Variants in YTHDC1 observed in about 807,000 individuals in gnomAD.
The protein encoded by YTHDC1 is YTH domain-containing protein 1.
YTHDC1 carries 12 observed loss-of-function variants against 107.0 expected under a neutral mutation model. The ratio of observed to expected loss-of-function variants is 0.11; its 90% CI spans 0.07 to 0.18. The LOEUF (loss-of-function observed/expected upper bound fraction) is 0.18. Ranked by LOEUF, YTHDC1 falls within the 10% of genes least tolerant of loss-of-function variation. YTHDC1 has a pLI of 1.00. For synonymous variants in YTHDC1, 280 were observed against 289.5 expected (o/e 0.97, Z 0.33); for missense variants, 635 against 898.8 (o/e 0.71, Z 3.75).
chr4:68,313,888 T>A lies in YTHDC1; in HGVS notation c.*211A>T. ...ATTCTGCCCCAATAAAAGTGTCAAT[T>A]CAACTGTCAGCTGTGGATTTTTGGC... On this transcript the variant is annotated 3_prime_UTR_variant, in exon 17 of 17. Transcript: ENST00000344157. 1.7e-6 allele frequency: 1 copy of A among 599,232 alleles called. No individual in the cohort carries two copies. The highest frequency in any genetic ancestry group is 2.1e-5 in the South Asian group (1 of 47,896). 37.1% of individuals were successfully genotyped at this position (599,232 alleles called of 1,614,324 possible). A position where few individuals can be genotyped will look rare whatever the true frequency, so the allele number is the denominator to read the frequency against.
At chr4:68,329,602 G>A (rs1723358109) in intron 9 of YTHDC1, among the ~76,000 whole-genome samples, 1 of 152,206 alleles carries the variant, frequency 6.6e-6, no homozygotes, top group Non-Finnish European at 1.5e-5. Context: ...CTCAGTTTCA[G>A]AAGATCACAA....
At chr4:68,339,043 C>T (rs925362226) in intron 1 of YTHDC1, among the ~76,000 whole-genome samples, 5 of 152,120 alleles carry the variant, frequency 3.3e-5, no homozygotes, top group African/African-American at 7.2e-5. Flanking sequence ...TATACAAATA[C>T]GTATGTACAA....
At chr4:68,314,567 C>G (rs1310130726) in intron 16 of YTHDC1, among the ~76,000 whole-genome samples, 3 of 152,150 alleles carry the variant, frequency 2.0e-5, no homozygotes, top group African/African-American at 7.2e-5. Flanking sequence ...ACAGATTATT[C>G]AAATCTCTTT....
At chr4:68,349,171 T>C (rs1047426665) in intron 1 of YTHDC1, among the ~76,000 whole-genome samples, 1 of 152,224 alleles carries the variant, frequency 6.6e-6, no homozygotes, top group Admixed American at 6.5e-5. Context: ...CCAAGTACTA[T>C]GTTTTTCCAA....
chr4:68,326,911 T>C (rs1302964840), intron 9 of YTHDC1, among the ~76,000 whole-genome samples: 1 of 151,442 alleles, frequency 6.6e-6, no homozygotes, highest in Non-Finnish European at 1.5e-5. Context: ...TCTTATATGC[T>C]GGACAGTGGT....
intron 1 of YTHDC1, among the ~76,000 whole-genome samples, chr4:68,342,775 A>G (rs140667053): frequency 1.8e-4 from 27 of 152,304 alleles, no homozygotes; most frequent in African/African-American, 6.5e-4. Flanking sequence ...AAGAAGAAAC[A>G]TTTTAATACT....
At chr4:68,327,278 C>T (rs1348874070) in intron 9 of YTHDC1, among the ~76,000 whole-genome samples, 1 of 152,138 alleles carries the variant, frequency 6.6e-6, no homozygotes, top group East Asian at 1.9e-4. Context: ...TAAATGAAAA[C>T]AGAAATGGGT....
intron 9 of YTHDC1, among the ~76,000 whole-genome samples, chr4:68,327,791 A>T (rs1034641983): frequency 1.4e-4 from 22 of 152,332 alleles, no homozygotes; most frequent in African/African-American, 5.1e-4. Context: ...AAGAGAGTTC[A>T]AGTGACTTAT....
intron 1 of YTHDC1, among the ~76,000 whole-genome samples, chr4:68,347,116 G>A (rs1725535223): frequency 6.6e-6 from 1 of 152,160 alleles, no homozygotes; most frequent in Admixed American, 6.5e-5. Flanking sequence ...AGAACCCAGT[G>A]AACAAGACAG....
At chr4:68,340,987 C>T (rs1724744652) in intron 1 of YTHDC1, among the ~76,000 whole-genome samples, 1 of 152,026 alleles carries the variant, frequency 6.6e-6, no homozygotes, top group South Asian at 2.1e-4. Flanking sequence ...TAGAAAGCAC[C>T]TACAACCTTT....
chr4:68,323,724 C>T (rs1360127843), intron 10 of YTHDC1, among the ~76,000 whole-genome samples: 1 of 152,168 alleles, frequency 6.6e-6, no homozygotes, highest in Non-Finnish European at 1.5e-5. Flanking sequence ...TTTTCAGTTC[C>T]ATTTGTAGAC....
intron 9 of YTHDC1, among the ~76,000 whole-genome samples, chr4:68,327,655 C>T (rs1026756977): frequency 6.6e-6 from 1 of 152,062 alleles, no homozygotes; most frequent in Non-Finnish European, 1.5e-5. Flanking sequence ...ATTATTATAT[C>T]TGCAAAAGAA....
In YTHDC1 at chr4:68,349,828, G is replaced by A. The variant is rs1725906825; in HGVS notation, c.-75C>T. On this transcript the variant is annotated 5_prime_UTR_variant, in exon 1 of 17. Coordinates refer to ENST00000344157, the MANE Select transcript of YTHDC1 (RefSeq NM_001031732.4). ...GACTCGCGCGGGCGCCGCAGCCGCG[G>A]CAGAAGCACGGGCCCGTCCGTCAGT... The A allele has an allele frequency of 3.1e-6, 5 of 1,603,000 alleles. No homozygotes were observed. In the South Asian group the frequency reaches 4.4e-5, roughly 14 times the overall value.
intron 4 of YTHDC1, among the ~76,000 whole-genome samples, chr4:68,336,320 C>A (rs996457161): frequency 1.1e-4 from 17 of 151,756 alleles, no homozygotes; most frequent in Admixed American, 9.2e-4. Flanking sequence ...CTTGCTGTAC[C>A]CTCCCCCAAG....
At chr4:68,318,418 T>C in intron 15 of YTHDC1, 101 bp downstream of exon 15, 2 of 1,231,264 alleles carry the variant, frequency 1.6e-6, no homozygotes, top group Non-Finnish European at 1.1e-6. Flanking sequence ...AGTTTAAGTC[T>C]CTTTAATGAG....
chr4:68,310,701 T>TA lies in YTHDC1; in HGVS notation c.*3397dup, dbSNP rs1348594213. 1 of 152,152 alleles carries TA rather than the reference T, an allele frequency of 6.6e-6. No homozygotes were observed. The highest frequency in any genetic ancestry group is 2.4e-5 in the African/African-American group (1 of 41,444). The allele number at this position is 152,152 out of a possible 1,614,324, so 9.4% of individuals were successfully genotyped here. On this transcript the variant is annotated 3_prime_UTR_variant, in exon 17 of 17. Coordinates refer to ENST00000344157, the MANE Select transcript of YTHDC1 (RefSeq NM_001031732.4). ...GTTTCCTACCCAAATAACAAAATCTTAAACATGAAGCTAAAATTATCCATG... is the reference window on the plus strand; with the variant it reads ...GTTTCCTACCCAAATAACAAAATCTTAAAACATGAAGCTAAAATTATCCATG...
intron 9 of YTHDC1, among the ~76,000 whole-genome samples, chr4:68,329,314 T>C (rs1723327872): frequency 6.6e-6 from 1 of 152,194 alleles, no homozygotes; most frequent in African/African-American, 2.4e-5. Flanking sequence ...ATCATATGCA[T>C]AGCATTTTTC....
chr4:68,349,470 C>A (rs574822705), intron 1 of YTHDC1, among the ~76,000 whole-genome samples: 1 of 152,164 alleles, frequency 6.6e-6, no homozygotes, highest in Admixed American at 6.5e-5. Flanking sequence ...GACAGCTAAA[C>A]GGAAAGTCAA....
At position 68,338,109 on chromosome 4, in the gene YTHDC1, T is replaced by C. The variant is rs139875081; in HGVS notation, c.130+174A>G. 367 of 902,558 alleles carry C rather than the reference T, an allele frequency of 4.1e-4. No homozygotes were observed. The African/African-American group carries it at 6.0e-3, about 15-fold the overall frequency. The allele number at this position is 902,558 out of a possible 1,614,324, so 55.9% of individuals were successfully genotyped here. On this transcript the variant is annotated intron_variant, in intron 2 of 16. Coordinates refer to ENST00000344157, the MANE Select transcript of YTHDC1 (RefSeq NM_001031732.4). ...AAAACCATATATTTGAGAAGTTTCA[T>C]ATATTAGAAAAAAACAGATTATCCC...
Sources: gnomAD v4.1 joint callset for allele counts (sites outside exome capture counted in the v4.1 genomes callset) on GRCh38, gnomAD v4.1.1 for gene constraint, MANE v1.5 for transcripts, NCBI Gene and HGNC (gene_info 2026-07-23, HGNC 2026-07-21) for gene names.